Variants in DLGAP5 observed in about 807,000 individuals in gnomAD.
DLGAP5 encodes disks large-associated protein 5.
In DLGAP5, 90 loss-of-function variants were observed where a neutral mutation model predicts 99.6. The ratio of observed to expected loss-of-function variants is 0.90; its 90% CI spans 0.76 to 1.08. The LOEUF is 1.08. Among genes scored for constraint, DLGAP5 ranks in the 50% least tolerant of loss-of-function variants. DLGAP5 has a pLI of 0.00. For missense variants in DLGAP5, 1,036 were observed against 983.5 expected (o/e 1.05, Z -0.71); for synonymous variants, 311 against 321.3 (o/e 0.97, Z 0.34).
At chr14:55,167,649 A>G (rs1256590173) in intron 12 of DLGAP5, among the ~76,000 whole-genome samples, 1 of 152,118 alleles carries the variant, frequency 6.6e-6, no homozygotes, top group Non-Finnish European at 1.5e-5. Context: ...CATTTTCCTG[A>G]GAAAGGGTAC....
intron 2 of DLGAP5, among the ~76,000 whole-genome samples, chr14:55,185,015 A>G (rs7141563): frequency 0.083 from 12,562 of 152,250 alleles, 1,390 homozygotes; most frequent in African/African-American, 0.25. Context: ...CTACTCAAGG[A>G]CATTCTTCCA....
At chr14:55,157,836 C>T (rs911471231) in intron 14 of DLGAP5, among the ~76,000 whole-genome samples, 8 of 152,214 alleles carry the variant, frequency 5.3e-5, no homozygotes, top group African/African-American at 9.6e-5. Flanking sequence ...AATCATAGCT[C>T]GCTGTAACCT....
In DLGAP5 at chr14:55,176,976, GAAAAAAAA is replaced by G. The variant is rs34109336; in HGVS notation, c.1049+78_1049+85del. On this transcript the variant is annotated intron_variant, in intron 8 of 18. Transcript: ENST00000247191. Reference sequence around the variant, plus strand: ...CTGGGCGACAGAGCGAACTCCGTCTGAAAAAAAAAAAAAAAAAAAAAAAAAAAAGAAAG... The same window carrying G: ...CTGGGCGACAGAGCGAACTCCGTCTGAAAAAAAAAAAAAAAAAAAAGAAAG... 2,483 of 253,390 alleles carry G rather than the reference GAAAAAAAA, an allele frequency of 9.8e-3. 30 individuals are homozygous for G. In the East Asian group the frequency reaches 0.15, roughly 15 times the overall value. The allele number at this position is 253,390 out of a possible 1,614,324, so 15.7% of individuals were successfully genotyped here.
rs1273256516 is a variant in DLGAP5, at chr14:55,175,877, T to C, written c.1174+17A>G. On this transcript the variant is annotated intron_variant, in intron 9 of 18. Coordinates refer to ENST00000247191, the MANE Select transcript of DLGAP5 (RefSeq NM_014750.5). ...AACATTATTCTAAAAAATGAATAAA[T>C]TAATTAAATACTATACCTTCATGCC... The C allele has an allele frequency of 6.5e-6, 10 of 1,533,798 alleles. No individual in the cohort carries two copies. Among genetic ancestry groups the C allele is most frequent in the African/African-American group, 1.4e-5 (1 of 72,074 alleles).
At chr14:55,156,599 C>A (rs57033289) in intron 14 of DLGAP5, among the ~76,000 whole-genome samples, 38,177 of 152,042 alleles carry the variant, frequency 0.25, 5,725 homozygotes, top group Non-Finnish European at 0.33. Context: ...AAAGGTCCTA[C>A]CCATGTGCAG....
intron 12 of DLGAP5, among the ~76,000 whole-genome samples, chr14:55,164,573 T>C (rs1882568685): frequency 6.6e-6 from 1 of 151,988 alleles, no homozygotes; most frequent in Admixed American, 6.6e-5. Context: ...AAAATCTTTG[T>C]GACTTGTGGT....
chr14:55,175,762 G>T, intron 9 of DLGAP5, 132 bp downstream of exon 9: 1 of 813,720 alleles, frequency 1.2e-6, no homozygotes, highest in Non-Finnish European at 1.8e-6. Context: ...ATGATATGGT[G>T]AAAAAGAGCT....
rs572382259 is a variant in DLGAP5 at position 55,148,444 on chromosome 14, A to G, written c.2448T>C (p.Thr816=). ...SPGLNCSNPF[T]QLERRHQEHA... ...GTTCTTGATGTCTCCTCTCCAGCTG[A>G]GTAAATGGATTACTGCAGTTTAGAC... Residue 816 remains threonine, a synonymous_variant, in exon 19 of 19, where the codon ACT becomes ACC. Transcript: ENST00000247191. The G allele has an allele frequency of 6.2e-7, 1 of 1,614,068 alleles. No individual in the cohort carries two copies. Among genetic ancestry groups the G allele is most frequent in the African/African-American group, 1.3e-5 (1 of 74,944 alleles).
rs552518661 is a variant in DLGAP5, at chr14:55,151,627, A to G, written c.2368+68T>C. 10 of 1,483,138 alleles carry G rather than the reference A, an allele frequency of 6.7e-6. No individual in the cohort carries two copies. In the African/African-American group the frequency reaches 1.4e-4, roughly 21 times the overall value. The allele number at this position is 1,483,138 out of a possible 1,614,324, so 91.9% of individuals were successfully genotyped here. A position where few individuals can be genotyped will look rare whatever the true frequency, so the allele number is the denominator to read the frequency against. Reference sequence around the variant, plus strand: ...TAATGTAAAATGGACCTTATAGGATAATTTATACCTTAATCCAAGTTCATT... The same window carrying G: ...TAATGTAAAATGGACCTTATAGGATGATTTATACCTTAATCCAAGTTCATT... On this transcript the variant is annotated intron_variant, in intron 17 of 18. Transcript: ENST00000247191.
In DLGAP5 at chr14:55,148,400, A is replaced by G. The variant is rs1394924556; in HGVS notation, c.2492T>C (p.Phe831Ser). The change falls in exon 19 of 19, where the codon TTT (phenylalanine) becomes TCT (serine). Residue 831 changes from phenylalanine to serine, a missense_variant. Phe to Ser is a radical substitution (Grantham distance 155). Coordinates refer to ENST00000247191, the MANE Select transcript of DLGAP5 (RefSeq NM_014750.5). The part of the protein sequence containing the change: ...RHQEHARHIS[F>S]GGNLITFSPL... ...TGAAAAAGTAATCAGGTTACCACCA[A>G]AAGAAATGTGTCTGGCATGTTCTTG... 1 of 1,614,086 alleles carries G rather than the reference A, an allele frequency of 6.2e-7. No individual in the cohort carries two copies. Among genetic ancestry groups the G allele is most frequent in the East Asian group, 2.2e-5 (1 of 44,888 alleles).
chr14:55,176,879 G>A lies in DLGAP5; in HGVS notation c.1049+183C>T, dbSNP rs556509820. Among the ~76,000 whole-genome samples the A allele has an allele frequency of 5.4e-5, 8 of 147,496 alleles. No homozygotes were observed. The East Asian group carries it at 1.7e-3, about 31-fold the overall frequency. Reference sequence around the variant, plus strand: ...TGTAGTCCCAGCTACTTGAGAGGCTGAGGCAGAAGAATGGCGTGAACCCGG... The same window carrying A: ...TGTAGTCCCAGCTACTTGAGAGGCTAAGGCAGAAGAATGGCGTGAACCCGG... On this transcript the variant is annotated intron_variant, in intron 8 of 18. Transcript: ENST00000247191.
In DLGAP5 at chr14:55,154,697, T is replaced by C. The variant is rs774600670; in HGVS notation, c.1983A>G (p.Thr661=). Residue 661 remains threonine (T), a synonymous_variant, in exon 15 of 19, where the codon ACA becomes ACG. Transcript: ENST00000247191. ...TCTGAGGACCGGCATTTTCTGGTGA[T>C]GTAGTTTGTTGTGGAATGCCCATCT... ...RNEMGIPQQT[T]SPENAGPQNT... The C allele has an allele frequency of 3.1e-6, 5 of 1,614,162 alleles. No individual in the cohort carries two copies. Among genetic ancestry groups the C allele is most frequent in the South Asian group, 1.1e-5 (1 of 91,082 alleles).
intron 18 of DLGAP5, chr14:55,150,598 C>A: frequency 2.8e-6 from 1 of 357,484 alleles, no homozygotes. Context: ...AAAAACATAT[C>A]TTCAGGGTTA....
chr14:55,173,731 T>C (rs995245788), intron 10 of DLGAP5, among the ~76,000 whole-genome samples: 3 of 152,216 alleles, frequency 2.0e-5, no homozygotes, highest in African/African-American at 4.8e-5. Context: ...TTAATACTTT[T>C]GTAATATCTT....
At chr14:55,161,125 A>G (rs1882413749) in intron 13 of DLGAP5, among the ~76,000 whole-genome samples, 2 of 152,194 alleles carry the variant, frequency 1.3e-5, no homozygotes, top group Non-Finnish European at 2.9e-5. Flanking sequence ...ATAGTATAAA[A>G]GATTAGCTTT....
At position 55,176,828 on chromosome 14, in the gene DLGAP5, A is replaced by C. The variant is rs566877010; in HGVS notation, c.1049+234T>G. Among the ~76,000 whole-genome samples, 5 of 152,014 alleles carry C rather than the reference A, an allele frequency of 3.3e-5. No homozygotes were observed. In the East Asian group the frequency reaches 9.7e-4, roughly 30 times the overall value. The stretch of plus-strand genomic sequence containing the variant: ...CCCGTCTCTACTAAAGATACAAAAA[A>C]TTAGCCGGGCGTGGTGACGGGCGCC... On this transcript the variant is annotated intron_variant, in intron 8 of 18. Transcript: ENST00000247191.
At chr14:55,185,293 G>A (rs1030643847) in intron 2 of DLGAP5, among the ~76,000 whole-genome samples, 4 of 152,108 alleles carry the variant, frequency 2.6e-5, no homozygotes, top group Admixed American at 1.3e-4. Context: ...TCGGCCTCCC[G>A]GGTTCAAGCG....
chr14:55,182,252 T>C, intron 4 of DLGAP5, 118 bp downstream of exon 4: 1 of 824,068 alleles, frequency 1.2e-6, no homozygotes, highest in Non-Finnish European at 1.9e-6. Context: ...CTTTGGTACC[T>C]GTTAACTCTA....
At position 55,188,930 on chromosome 14, in the gene DLGAP5, A is replaced by C; in HGVS notation, c.238+12T>G. ...TTCAAAGTACTTAAAATTACAACAG[A>C]CCTTTACTTACTTGGCTTAACATTG... is the stretch of plus-strand genomic sequence containing the variant. On this transcript the variant is annotated intron_variant, in intron 2 of 18. Transcript: ENST00000247191. The C allele has an allele frequency of 6.2e-7, 1 of 1,601,442 alleles. No individual in the cohort carries two copies. The highest frequency in any genetic ancestry group is 8.5e-7 in the Non-Finnish European group (1 of 1,171,144).
Sources: gnomAD v4.1 joint callset for allele counts (sites outside exome capture counted in the v4.1 genomes callset) on GRCh38, gnomAD v4.1.1 for gene constraint, MANE v1.5 for transcripts, NCBI Gene and HGNC (gene_info 2026-07-23, HGNC 2026-07-21) for gene names.